The following NCAM1 variants were observed in gnomAD, a reference collection of about 807,000 sequenced individuals.
NCAM1 encodes the protein neural cell adhesion molecule 1.
In NCAM1, 14 loss-of-function variants were observed where a neutral mutation model predicts 109.8. That is an observed-to-expected ratio of 0.13 (90% CI 0.08 to 0.20). NCAM1 has a LOEUF of 0.20. Among genes scored for constraint, NCAM1 ranks in the 10% least tolerant of loss-of-function variants. The pLI is 1.00. For synonymous variants in NCAM1, 418 were observed against 442.9 expected, an observed-to-expected ratio of 0.94 and a Z score of 0.70; for missense variants, 774 against 1,109.9, an observed-to-expected ratio of 0.70 and a Z score of 4.30.
At chr11:112,971,902 A>C (rs1475865874) in intron 1 of NCAM1, among the ~76,000 whole-genome samples, 1 of 152,182 alleles carries the variant, frequency 6.6e-6, no homozygotes, top group African/African-American at 2.4e-5. Context: ...GATTAAAGAA[A>C]CCCAACTGTG....
chr11:113,265,259 C>T (rs575948448), intron 17 of NCAM1: 1 of 671,132 alleles, frequency 1.5e-6, no homozygotes, highest in African/African-American at 2.0e-5. Context: ...AAGACCCTTT[C>T]CCTCCGCCTC....
chr11:113,009,253 G>GAAATCT (rs1951969717), intron 1 of NCAM1, among the ~76,000 whole-genome samples: 1 of 149,198 alleles, frequency 6.7e-6, no homozygotes, highest in Admixed American at 6.7e-5. Context: ...ACTAGACCTT[G>GAAATCT]AAATCTGTGG....
At chr11:113,028,375 G>A (rs537797821) in intron 1 of NCAM1, among the ~76,000 whole-genome samples, 3 of 152,116 alleles carry the variant, frequency 2.0e-5, no homozygotes, top group East Asian at 1.9e-4. Context: ...ATGGGAAGCC[G>A]CTTTGTGTAT....
At chr11:112,965,361 C>G (rs544268033) in intron 1 of NCAM1, among the ~76,000 whole-genome samples, 49 of 152,236 alleles carry the variant, frequency 3.2e-4, no homozygotes, top group African/African-American at 1.1e-3. Flanking sequence ...TGTAGCACCC[C>G]CAAATTCCAA....
At chr11:113,204,555 G>A (rs1328701068) in intron 3 of NCAM1, 51 bp downstream of exon 3, 1 of 1,560,354 alleles carries the variant, frequency 6.4e-7, no homozygotes, top group Non-Finnish European at 8.8e-7. Context: ...TTGCCAAGGA[G>A]ACATGTGGGT....
intron 1 of NCAM1, among the ~76,000 whole-genome samples, chr11:113,106,873 G>A (rs529308886): frequency 6.6e-6 from 1 of 152,234 alleles, no homozygotes; most frequent in Admixed American, 6.5e-5. Context: ...AAAAATGGCA[G>A]TCAGAACAGA....
At chr11:113,074,122 G>A (rs1265567841) in intron 1 of NCAM1, among the ~76,000 whole-genome samples, 1 of 152,142 alleles carries the variant, frequency 6.6e-6, no homozygotes, top group African/African-American at 2.4e-5. Flanking sequence ...TTACTTTTTG[G>A]TGCTGCTGCT....
chr11:112,994,529 A>C (rs1328852461), intron 1 of NCAM1, among the ~76,000 whole-genome samples: 1 of 152,156 alleles, frequency 6.6e-6, no homozygotes, highest in African/African-American at 2.4e-5. Context: ...ATTTTGATAC[A>C]TCTTCTTGTA....
At chr11:113,145,860 T>C (rs1941998827) in intron 1 of NCAM1, among the ~76,000 whole-genome samples, 1 of 151,216 alleles carries the variant, frequency 6.6e-6, no homozygotes, top group Non-Finnish European at 1.5e-5. Flanking sequence ...GGAGGCAGTT[T>C]CTTGAGGCAC....
chr11:113,262,748 A>T (rs1334942158), intron 17 of NCAM1: 2 of 1,343,928 alleles, frequency 1.5e-6, no homozygotes, highest in African/African-American at 2.9e-5. Context: ...GTCTGTCGTC[A>T]CACTTGTCAC....
At chr11:113,189,806 G>A (rs1943621922) in intron 1 of NCAM1, among the ~76,000 whole-genome samples, 1 of 151,118 alleles carries the variant, frequency 6.6e-6, no homozygotes, top group Non-Finnish European at 1.5e-5. Context: ...TAAGAAAATC[G>A]TGAAAGAACT....
intron 19 of NCAM1, among the ~76,000 whole-genome samples, chr11:113,272,189 G>A (rs1344362008): frequency 1.3e-5 from 2 of 152,102 alleles, no homozygotes; most frequent in South Asian, 2.1e-4. Flanking sequence ...CTCACTGAAA[G>A]GCTTAGCAGA....
intron 1 of NCAM1, among the ~76,000 whole-genome samples, chr11:113,107,671 C>T (rs1180100097): frequency 1.3e-5 from 2 of 152,032 alleles, no homozygotes; most frequent in African/African-American, 2.4e-5. Flanking sequence ...TTCATTACCA[C>T]GAGGACAGTA....
At chr11:113,075,134 A>C (rs1938471753) in intron 1 of NCAM1, among the ~76,000 whole-genome samples, 2 of 151,854 alleles carry the variant, frequency 1.3e-5, no homozygotes, top group African/African-American at 2.4e-5. Context: ...TGGCACAATC[A>C]TGGCTCACTG....
At chr11:113,093,637 G>T (rs1483526217) in intron 1 of NCAM1, among the ~76,000 whole-genome samples, 1 of 152,090 alleles carries the variant, frequency 6.6e-6, no homozygotes, top group Non-Finnish European at 1.5e-5. Flanking sequence ...CTTTTCTCTA[G>T]GTAGGAACAT....
At chr11:113,169,737 C>A (rs1942930751) in intron 1 of NCAM1, among the ~76,000 whole-genome samples, 1 of 151,238 alleles carries the variant, frequency 6.6e-6, no homozygotes, top group Non-Finnish European at 1.5e-5. Flanking sequence ...AAGCGATTCT[C>A]CTGCCTCAGC....
chr11:113,238,887 C>T (rs1945248720), intron 14 of NCAM1, among the ~76,000 whole-genome samples: 1 of 152,242 alleles, frequency 6.6e-6, no homozygotes, highest in Non-Finnish European at 1.5e-5. Context: ...GTGTGCTGCA[C>T]AGGCAGGTGT....
Position 113,273,049 on chromosome 11 carries a change from G to T in NCAM1, c.2456+1173G>T, listed in dbSNP as rs1413460345. The T allele has an allele frequency of 2.2e-6, 1 of 456,628 alleles. No individual in the cohort carries two copies. Among genetic ancestry groups the T allele is most frequent in the African/African-American group, 2.0e-5 (1 of 50,012 alleles). 28.3% of individuals were successfully genotyped at this position (456,628 alleles called of 1,614,324 possible). A position where few individuals can be genotyped will look rare whatever the true frequency, so the allele number is the denominator to read the frequency against. On this transcript the variant is annotated intron_variant, in intron 19 of 19. Coordinates refer to ENST00000316851, the MANE Select transcript of NCAM1 (RefSeq NM_181351.5). This position sits in a 1 kb window ranked among gnomAD's most constrained non-coding sequence, Gnocchi z 6.0. ...GCCACTGCTCAGAACAGCCCCACCA[G>T]TGAGACCACCACCCTGACCTCCAGT...
At chr11:113,265,790 C>T (rs1016207022) in intron 17 of NCAM1, among the ~76,000 whole-genome samples, 4 of 152,098 alleles carry the variant, frequency 2.6e-5, no homozygotes, top group Non-Finnish European at 5.9e-5. Flanking sequence ...GTGAAAAGGG[C>T]ATTTCTGCTG....
Sources: gnomAD v4.1 joint callset for allele counts (sites outside exome capture counted in the v4.1 genomes callset) on GRCh38, gnomAD v4.1.1 for gene constraint, Gnocchi (gnomAD v3.1) non-coding constraint, MANE v1.5 for transcripts, NCBI Gene and HGNC (gene_info 2026-07-23, HGNC 2026-07-21) for gene names.